Variants in UGT2B7 observed in about 807,000 individuals in gnomAD.
The protein encoded by UGT2B7 is UDP-glucuronosyltransferase 2B7.
A neutral mutation model predicts 51.9 loss-of-function variants in UGT2B7; 51 were observed. The observed-to-expected ratio is 0.98, with a 90% confidence interval of 0.78 to 1.24. UGT2B7 has a LOEUF of 1.24. Among genes scored for constraint, UGT2B7 ranks in the 50% most tolerant of loss-of-function variants. The pLI is 0.00. For missense variants in UGT2B7, 727 were observed against 628.4 expected, an observed-to-expected ratio of 1.16 and a Z score of -1.68; for synonymous variants, 225 against 211.6, an observed-to-expected ratio of 1.06 and a Z score of -0.55.
At chr4:69,103,705 T>C (rs1298953875) in intron 3 of UGT2B7, among the ~76,000 whole-genome samples, 1 of 152,164 alleles carries the variant, frequency 6.6e-6, no homozygotes, top group Non-Finnish European at 1.5e-5. Flanking sequence ...TGAAGAACAC[T>C]TGACTGACTC....
intron 1 of UGT2B7, among the ~76,000 whole-genome samples, chr4:69,074,319 C>A (rs956948834): frequency 6.6e-6 from 1 of 151,760 alleles, no homozygotes; most frequent in Non-Finnish European, 1.5e-5. Context: ...CCAGCCTGGA[C>A]AGCAGAGTGA....
chr4:69,105,626 T>C (rs1368061351), intron 3 of UGT2B7, among the ~76,000 whole-genome samples: 1 of 152,218 alleles, frequency 6.6e-6, no homozygotes, highest in Non-Finnish European at 1.5e-5. Context: ...TGTGTTTTTA[T>C]TCATGACACC....
chr4:69,060,152 G>A (rs1458183506), intron 1 of UGT2B7, among the ~76,000 whole-genome samples: 1 of 152,190 alleles, frequency 6.6e-6, no homozygotes, highest in Non-Finnish European at 1.5e-5. Flanking sequence ...CGACCTGAGA[G>A]GACTGCTTCG....
chr4:69,108,465 T>C, intron 5 of UGT2B7, 143 bp downstream of exon 5: 5 of 1,069,652 alleles, frequency 4.7e-6, no homozygotes, highest in Non-Finnish European at 3.9e-6. Flanking sequence ...TGCTTTTATT[T>C]TTATAAGTTA....
At chr4:69,084,554 C>T (rs1718907382) in intron 1 of UGT2B7, among the ~76,000 whole-genome samples, 1 of 152,008 alleles carries the variant, frequency 6.6e-6, no homozygotes, top group Non-Finnish European at 1.5e-5. Flanking sequence ...CACCCATCAA[C>T]CAGTCTCCTA....
At chr4:69,057,087 C>T (rs1384180235) in intron 1 of UGT2B7, among the ~76,000 whole-genome samples, 1 of 152,170 alleles carries the variant, frequency 6.6e-6, no homozygotes, top group African/African-American at 2.4e-5. Flanking sequence ...TGGTGAAACT[C>T]CCTGCCCTGT....
intron 1 of UGT2B7, among the ~76,000 whole-genome samples, chr4:69,097,971 T>C (rs1218016829): frequency 6.6e-6 from 1 of 152,154 alleles, no homozygotes; most frequent in South Asian, 2.1e-4. Flanking sequence ...CTAGCTATAA[T>C]GTACAAATAT....
At chr4:69,080,376 C>T (rs1388560339) in intron 1 of UGT2B7, among the ~76,000 whole-genome samples, 4 of 151,880 alleles carry the variant, frequency 2.6e-5, no homozygotes, top group African/African-American at 9.7e-5. Flanking sequence ...GGTAAAACTC[C>T]GTCCCTGCTA....
intron 1 of UGT2B7, 135 bp downstream of exon 1, chr4:69,097,376 C>G (rs1719276147): frequency 2.9e-6 from 3 of 1,052,406 alleles, no homozygotes; most frequent in South Asian, 3.4e-5. Context: ...ACAAGATGAT[C>G]TATTAATCTC....
chr4:69,064,036 GAAAGA>G (rs1718418035), intron 1 of UGT2B7, among the ~76,000 whole-genome samples: 1 of 79,728 alleles, frequency 1.3e-5, no homozygotes, highest in South Asian at 4.5e-4. Context: ...AAGAAAGAAA[GAAAGA>G]AAGAAAGAAA....
intron 1 of UGT2B7, among the ~76,000 whole-genome samples, chr4:69,082,078 T>C (rs1718850084): frequency 6.6e-6 from 1 of 152,080 alleles, no homozygotes; most frequent in Non-Finnish European, 1.5e-5. Flanking sequence ...TTCATATTAC[T>C]GTTGTAATTG....
chr4:69,051,963 G>T (rs777527778), intron 1 of UGT2B7, among the ~76,000 whole-genome samples: 7 of 152,192 alleles, frequency 4.6e-5, no homozygotes, highest in Non-Finnish European at 8.8e-5. Context: ...TGTGGTGTGT[G>T]TGTGGTGTGA....
At chr4:69,063,755 G>C (rs1026857635) in intron 1 of UGT2B7, among the ~76,000 whole-genome samples, 2 of 152,030 alleles carry the variant, frequency 1.3e-5, no homozygotes, top group South Asian at 2.1e-4. Flanking sequence ...TTCATCCTTT[G>C]GTGGTTTTAA....
intron 1 of UGT2B7, among the ~76,000 whole-genome samples, chr4:69,085,588 T>A (rs1718935634): frequency 6.6e-6 from 1 of 152,144 alleles, no homozygotes; most frequent in African/African-American, 2.4e-5. Flanking sequence ...AGGGTTTTTA[T>A]GGTTTTAGGT....
intron 1 of UGT2B7, among the ~76,000 whole-genome samples, chr4:69,085,445 C>T (rs558579420): frequency 6.6e-6 from 1 of 152,172 alleles, no homozygotes; most frequent in South Asian, 2.1e-4. Context: ...GTTTATTTTA[C>T]TCAGCAGAAG....
intron 2 of UGT2B7, among the ~76,000 whole-genome samples, 165 bp downstream of exon 2, chr4:69,098,853 C>T (rs1210302381): frequency 5.9e-5 from 9 of 151,868 alleles, no homozygotes; most frequent in Non-Finnish European, 1.0e-4. Flanking sequence ...AATACCATCA[C>T]ACGTATATGA....
intron 4 of UGT2B7, 66 bp downstream of exon 4, chr4:69,107,328 C>A: frequency 6.9e-7 from 1 of 1,445,808 alleles, no homozygotes; most frequent in South Asian, 1.3e-5. Context: ...AATAGTTCAT[C>A]ATGAAACAAG....
chr4:69,096,288 G>T (rs565152175), upstream of UGT2B7, among the ~76,000 whole-genome samples: 55 of 152,100 alleles, frequency 3.6e-4, no homozygotes, highest in Non-Finnish European at 5.3e-4. Flanking sequence ...TTAGCTGAAG[G>T]ATAGCACTCA....
intron 1 of UGT2B7, among the ~76,000 whole-genome samples, chr4:69,064,044 GAAA>G (rs1718419042): frequency 2.3e-5 from 2 of 88,662 alleles, no homozygotes; most frequent in Non-Finnish European, 4.1e-5. Flanking sequence ...AAGAAAGAAA[GAAA>G]GAAAGAAAGA....
Sources: allele counts gnomAD v4.1 joint callset (sites outside exome capture counted in the v4.1 genomes callset), GRCh38; gene constraint gnomAD v4.1.1; transcripts MANE v1.5; gene names NCBI Gene and HGNC (gene_info 2026-07-23, HGNC 2026-07-21).